Variants in FGF14 observed in about 807,000 individuals in gnomAD.
FGF14 encodes the protein fibroblast growth factor homologous factor 4.
FGF14 carries 5 observed loss-of-function variants against 25.5 expected under a neutral mutation model. The observed-to-expected ratio is 0.20, with a 90% confidence interval of 0.10 to 0.41. FGF14 has a LOEUF of 0.41. Among genes scored for constraint, FGF14 ranks in the 10% least tolerant of loss-of-function variants. The pLI, the probability that FGF14 is intolerant of heterozygous loss-of-function variation, is 1.00. For missense variants in FGF14, 222 were observed against 320.1 expected, an observed-to-expected ratio of 0.69 and a Z score of 2.34; for synonymous variants, 138 against 118.3, an observed-to-expected ratio of 1.17 and a Z score of -1.08.
At chr13:102,160,008 C>T (rs932087154) in intron 1 of FGF14, among the ~76,000 whole-genome samples, 5 of 152,158 alleles carry the variant, frequency 3.3e-5, no homozygotes, top group African/African-American at 1.2e-4. Flanking sequence ...TAGTATAGGT[C>T]CATTTACAGC....
intron 1 of FGF14, among the ~76,000 whole-genome samples, chr13:101,943,844 T>TATATATATA (rs2035623885): frequency 6.8e-6 from 1 of 146,178 alleles, no homozygotes; most frequent in African/African-American, 2.5e-5. Context: ...TATATATATA[T>TATATATATA]TCACAAAATT....
At chr13:102,294,694 C>A (rs2054607151) in intron 1 of FGF14, among the ~76,000 whole-genome samples, 1 of 152,234 alleles carries the variant, frequency 6.6e-6, no homozygotes, top group East Asian at 1.9e-4. Flanking sequence ...CTCCAGTGGT[C>A]AAAATAGCTG....
chr13:102,009,765 G>A (rs1343292292), intron 1 of FGF14, among the ~76,000 whole-genome samples: 2 of 152,058 alleles, frequency 1.3e-5, no homozygotes, highest in African/African-American at 4.8e-5. Flanking sequence ...GTAAACTACA[G>A]ACTGGTTACT....
chr13:102,359,927 C>T (rs567365686), intron 1 of FGF14, among the ~76,000 whole-genome samples: 1 of 148,106 alleles, frequency 6.8e-6, no homozygotes, highest in Non-Finnish European at 1.5e-5. Context: ...CTAAAAATAA[C>T]AGAAGGAAAT....
intron 3 of FGF14, among the ~76,000 whole-genome samples, chr13:101,742,958 G>T (rs2036648541): frequency 6.6e-6 from 1 of 152,132 alleles, no homozygotes; most frequent in East Asian, 1.9e-4. Context: ...TCTGTAAATT[G>T]TGCATTCACT....
intron 1 of FGF14, among the ~76,000 whole-genome samples, chr13:102,052,784 A>T (rs187954725): frequency 3.9e-5 from 6 of 152,260 alleles, no homozygotes; most frequent in Admixed American, 3.3e-4. Context: ...TAGTAAAGGG[A>T]GTTTCTCAAG....
In FGF14 at chr13:102,276,349, GTGTGTATATATA is replaced by G. The variant is rs1347989936; in HGVS notation, c.208+125110_208+125121del. ...CACACGTACGTGTGTGTGTGTGTGT[GTGTGTATATATA>G]TATATATATATATATATATACACAT... On this transcript the variant is annotated intron_variant, in intron 1 of 4. Transcript: ENST00000376131. Among the ~76,000 whole-genome samples, 3 of 32,762 alleles carry G rather than the reference GTGTGTATATATA, an allele frequency of 9.2e-5. No homozygotes were observed. In the East Asian group the frequency reaches 5.2e-3, roughly 56 times the overall value. The allele number at this position is 32,762 out of a possible 152,430, so 21.5% of individuals were successfully genotyped here. A position where few individuals can be genotyped will look rare whatever the true frequency, so the allele number is the denominator to read the frequency against.
chr13:101,827,839 C>A (rs928238506), intron 3 of FGF14, among the ~76,000 whole-genome samples: 3 of 150,156 alleles, frequency 2.0e-5, no homozygotes, highest in African/African-American at 7.3e-5. Flanking sequence ...TACCATAAGA[C>A]ATCTTCAAGT....
chr13:101,746,717 T>C (rs927995293), intron 3 of FGF14, among the ~76,000 whole-genome samples: 3 of 152,018 alleles, frequency 2.0e-5, no homozygotes, highest in Non-Finnish European at 4.4e-5. Flanking sequence ...GCCAGGAGTG[T>C]GCTTTACTCA....
intron 1 of FGF14, among the ~76,000 whole-genome samples, chr13:102,271,730 TCGAG>T (rs1468494571): frequency 6.6e-6 from 1 of 152,188 alleles, no homozygotes; most frequent in Non-Finnish European, 1.5e-5. Context: ...ATCGCTATCA[TCGAG>T]CACTTTTGGA....
chr13:102,275,782 T>C (rs1323989637), intron 1 of FGF14, among the ~76,000 whole-genome samples: 2 of 152,144 alleles, frequency 1.3e-5, no homozygotes, highest in Non-Finnish European at 2.9e-5. Flanking sequence ...CTTAGACAAC[T>C]CAGGCTCCAA....
chr13:102,046,295 G>T (rs993418226), intron 1 of FGF14, among the ~76,000 whole-genome samples: 18 of 152,098 alleles, frequency 1.2e-4, no homozygotes, highest in African/African-American at 4.3e-4. Context: ...GTAGTTAACT[G>T]CACCTACAAA....
chr13:101,987,101 T>A (rs548418593), intron 1 of FGF14, among the ~76,000 whole-genome samples: 1 of 152,160 alleles, frequency 6.6e-6, no homozygotes, highest in South Asian at 2.1e-4. Flanking sequence ...TGCTAACTGG[T>A]TGCCCTTATT....
chr13:101,994,854 A>C (rs1657455896), intron 1 of FGF14, among the ~76,000 whole-genome samples: 2 of 152,070 alleles, frequency 1.3e-5, no homozygotes, highest in African/African-American at 4.8e-5. Context: ...TCCCAACATA[A>C]TCAAAAGGCC....
chr13:102,363,896 G>A (rs564046362), intron 1 of FGF14, among the ~76,000 whole-genome samples: 36 of 152,198 alleles, frequency 2.4e-4, no homozygotes, highest in African/African-American at 8.2e-4. Context: ...TGCAGGATCC[G>A]GTCAAGCATC....
At chr13:101,861,238 G>A (rs768868748) in intron 3 of FGF14, among the ~76,000 whole-genome samples, 1 of 152,044 alleles carries the variant, frequency 6.6e-6, no homozygotes, top group African/African-American at 2.4e-5. Flanking sequence ...TAGGATCAAT[G>A]AGCTTCATCA....
chr13:101,862,633 G>T (rs2044480675), intron 3 of FGF14, among the ~76,000 whole-genome samples: 1 of 152,002 alleles, frequency 6.6e-6, no homozygotes, highest in African/African-American at 2.4e-5. Flanking sequence ...GGCATTCTTG[G>T]ACATAACCAA....
intron 1 of FGF14, among the ~76,000 whole-genome samples, chr13:102,134,146 C>T (rs2140425299): frequency 6.6e-6 from 1 of 152,208 alleles, no homozygotes; most frequent in East Asian, 1.9e-4. Context: ...TGTAAGAAGA[C>T]TAAAATCTCT....
chr13:102,088,481 A>G (rs1318939401), intron 1 of FGF14, among the ~76,000 whole-genome samples: 1 of 152,150 alleles, frequency 6.6e-6, no homozygotes, highest in Non-Finnish European at 1.5e-5. Context: ...AATTAAGTAC[A>G]CCAAATGCAG....
Sources: allele counts gnomAD v4.1 joint callset (sites outside exome capture counted in the v4.1 genomes callset), GRCh38; gene constraint gnomAD v4.1.1; transcripts MANE v1.5; gene names NCBI Gene and HGNC (gene_info 2026-07-23, HGNC 2026-07-21).